The following TLN2 variants were observed in gnomAD, a reference collection of about 807,000 sequenced individuals.
TLN2 encodes talin-2.
In TLN2, 118 loss-of-function variants were observed where a neutral mutation model predicts 294.7. That is an observed-to-expected ratio of 0.40 (90% CI 0.34 to 0.47). The LOEUF is 0.47. Ranked by LOEUF, TLN2 falls within the 20% of genes least tolerant of loss-of-function variation. TLN2 has a pLI of 0.84. For synonymous variants in TLN2, 1,431 were observed against 1,304.5 expected (o/e 1.10, Z -2.09); for missense variants, 3,083 against 3,282.2 (o/e 0.94, Z 1.48).
chr15:62,532,509 C>T (rs976035180), intron 1 of TLN2, among the ~76,000 whole-genome samples: 11 of 152,178 alleles, frequency 7.2e-5, no homozygotes, highest in Non-Finnish European at 1.3e-4. Flanking sequence ...GAGCCCTTTA[C>T]GACATGCTGC....
At chr15:62,651,852 A>G (rs1244490426) in intron 5 of TLN2, among the ~76,000 whole-genome samples, 153 bp from the exon 6 acceptor site, 1 of 152,192 alleles carries the variant, frequency 6.6e-6, no homozygotes, top group Non-Finnish European at 1.5e-5. Context: ...AATCCCCTGA[A>G]AACTTTGAAA....
intron 1 of TLN2, among the ~76,000 whole-genome samples, chr15:62,573,210 G>A (rs2044057419): frequency 6.6e-6 from 1 of 151,914 alleles, no homozygotes; most frequent in Admixed American, 6.6e-5. Context: ...CCGGCTCTTT[G>A]ACCTCCTCAA....
At chr15:62,672,723 C>A (rs889754324) in intron 9 of TLN2, among the ~76,000 whole-genome samples, 1 of 152,090 alleles carries the variant, frequency 6.6e-6, no homozygotes, top group Non-Finnish European at 1.5e-5. Context: ...CTGAGACTCA[C>A]TGGTTCCTTT....
chr15:62,611,905 T>C (rs80290091), intron 2 of TLN2, among the ~76,000 whole-genome samples: 3,416 of 152,272 alleles, frequency 0.022, 72 homozygotes, highest in South Asian at 0.075. Flanking sequence ...TGAAACACCA[T>C]TTTGGAAGTA....
At chr15:62,757,338 G>A in intron 37 of TLN2, among the ~76,000 whole-genome samples, 1 of 152,240 alleles carries the variant, frequency 6.6e-6, no homozygotes, top group African/African-American at 2.4e-5. Context: ...CAGGGCTTGT[G>A]TGTGAGTTTG....
chr15:62,498,254 G>T (rs1426998021), intron 1 of TLN2, among the ~76,000 whole-genome samples: 1 of 151,738 alleles, frequency 6.6e-6, no homozygotes, highest in Non-Finnish European at 1.5e-5. Flanking sequence ...AAATAACCTG[G>T]TTCTTCTTAC....
chr15:62,766,313 C>T lies in TLN2; in HGVS notation c.5095-8C>T. ...ATGGGATGAACTTGACACTTCTCTC[C>T]TTATCAGGCCCTGCAGGAGCAGCTG... is the stretch of plus-strand genomic sequence containing the variant. On this transcript the variant is annotated splice_polypyrimidine_tract_variant and splice_region_variant and intron_variant, in intron 40 of 58. Transcript: ENST00000636159. The T allele has an allele frequency of 6.2e-7, 1 of 1,609,324 alleles. No individual in the cohort carries two copies. The highest frequency in any genetic ancestry group is 1.1e-5 in the South Asian group (1 of 90,894).
chr15:62,686,608 A>C, intron 11 of TLN2, 33 bp from the exon 12 acceptor site: 1 of 1,593,584 alleles, frequency 6.3e-7, no homozygotes, highest in South Asian at 1.1e-5. Flanking sequence ...TATTCAGAAG[A>C]AGAGCACTGA....
At chr15:62,494,340 G>A (rs1021066739) in intron 1 of TLN2, among the ~76,000 whole-genome samples, 4 of 152,030 alleles carry the variant, frequency 2.6e-5, no homozygotes, top group Admixed American at 6.6e-5. Context: ...AAAAGCAGGA[G>A]CCTCTCCAGA....
chr15:62,588,054 G>A (rs1052706061), intron 1 of TLN2, among the ~76,000 whole-genome samples: 9 of 151,872 alleles, frequency 5.9e-5, no homozygotes, highest in Admixed American at 3.3e-4. Flanking sequence ...CTAATTTTTC[G>A]TATTTTTAGT....
intron 1 of TLN2, among the ~76,000 whole-genome samples, chr15:62,433,527 C>T (rs1259269517): frequency 6.6e-6 from 1 of 152,084 alleles, no homozygotes; most frequent in Non-Finnish European, 1.5e-5. Flanking sequence ...TCTATTTAGT[C>T]CTCTTGACTA....
At chr15:62,480,313 A>C (rs1465332866) in intron 1 of TLN2, among the ~76,000 whole-genome samples, 2 of 152,198 alleles carry the variant, frequency 1.3e-5, no homozygotes, top group Admixed American at 1.3e-4. Flanking sequence ...TCCTGGGTTC[A>C]AGCGATTCTC....
intron 46 of TLN2, among the ~76,000 whole-genome samples, 181 bp downstream of exon 46, chr15:62,792,968 T>G (rs2065183928): frequency 6.6e-6 from 1 of 152,080 alleles, no homozygotes; most frequent in Admixed American, 6.5e-5. Context: ...GGAGCTGGGG[T>G]GATCATAGGC....
At chr15:62,775,103 C>T (rs2063617053) in intron 42 of TLN2, among the ~76,000 whole-genome samples, 1 of 151,924 alleles carries the variant, frequency 6.6e-6, no homozygotes, top group African/African-American at 2.4e-5. Context: ...ACTACAGGCG[C>T]CCGCCACCAC....
chr15:62,613,832 G>A (rs575394817), intron 2 of TLN2, among the ~76,000 whole-genome samples: 1 of 147,528 alleles, frequency 6.8e-6, no homozygotes. Flanking sequence ...AAATAATTAT[G>A]CTAAGTAATG....
chr15:62,815,271 C>T (rs2067027103), intron 52 of TLN2, among the ~76,000 whole-genome samples: 1 of 151,248 alleles, frequency 6.6e-6, no homozygotes, highest in Non-Finnish European at 1.5e-5. Flanking sequence ...TTGGTCTCTG[C>T]AGAAAGACTC....
At chr15:62,665,695 C>T (rs1445477693) in intron 9 of TLN2, among the ~76,000 whole-genome samples, 1 of 30,260 alleles carries the variant, frequency 3.3e-5, no homozygotes, top group Non-Finnish European at 2.3e-3. Context: ...GAAATTTTCC[C>T]CCACAAACTC....
chr15:62,572,306 T>G (rs1260665671), intron 1 of TLN2, among the ~76,000 whole-genome samples: 2 of 152,020 alleles, frequency 1.3e-5, no homozygotes, highest in African/African-American at 2.4e-5. Flanking sequence ...AGTGGCACAA[T>G]CATGGCTCAC....
chr15:62,704,754 C>G (rs2058950037), intron 19 of TLN2, among the ~76,000 whole-genome samples: 1 of 152,246 alleles, frequency 6.6e-6, no homozygotes, highest in Non-Finnish European at 1.5e-5. Context: ...ATATATTCTG[C>G]TAAACCCAAG....
Sources: allele counts gnomAD v4.1 joint callset (sites outside exome capture counted in the v4.1 genomes callset), GRCh38; gene constraint gnomAD v4.1.1; transcripts MANE v1.5; gene names NCBI Gene and HGNC (gene_info 2026-07-23, HGNC 2026-07-21).